Variants in CNTN5 observed in about 807,000 individuals in gnomAD.
CNTN5 encodes the protein contactin-5.
A neutral mutation model predicts 129.1 loss-of-function variants in CNTN5; 77 were observed. The ratio of observed to expected loss-of-function variants is 0.60; its 90% confidence interval spans 0.50 to 0.72. The LOEUF is 0.72. CNTN5 is among the 30% of genes least tolerant of loss of function. The probability of loss-of-function intolerance (pLI) is 0.00; values close to 1 mark genes in which losing one functional copy is unlikely to be tolerated. For synonymous variants in CNTN5, 509 were observed against 465.6 expected (o/e 1.09, Z -1.20); for missense variants, 1,478 against 1,328.8 (o/e 1.11, Z -1.75).
Position 99,894,418 on chromosome 11 carries a change from GT to G in CNTN5, c.578-21627del, listed in dbSNP as rs1161416490. ...AACTGGAGAGTTTCAAATTTTATAGGTTTTTTTTTCACAAGCTATTTTTGTT... is the reference window on the plus strand; with the variant it reads ...AACTGGAGAGTTTCAAATTTTATAGGTTTTTTTTCACAAGCTATTTTTGTT... On this transcript the variant is annotated intron_variant, in intron 6 of 24. Coordinates refer to ENST00000524871, the MANE Select transcript of CNTN5 (RefSeq NM_014361.4). Among the ~76,000 whole-genome samples the G allele has an allele frequency of 1.3e-4, 18 of 140,266 alleles. 1 individual carries two copies. The highest frequency in any genetic ancestry group is 1.2e-3 in the Admixed American group (16 of 13,604). 92.0% of individuals were successfully genotyped at this position (140,266 alleles called of 152,430 possible). A position where few individuals can be genotyped will look rare whatever the true frequency, so the allele number is the denominator to read the frequency against.
chr11:100,350,844 C>G lies in CNTN5; in HGVS notation c.3173C>G (p.Ser1058Cys). 1 of 1,591,606 alleles carries G rather than the reference C, an allele frequency of 6.3e-7. No individual in the cohort carries two copies. Among genetic ancestry groups the G allele is most frequent in the South Asian group, 1.1e-5 (1 of 87,048 alleles). ...GAAGGAGGAGATGGAACAGCTAGTT[C>G]TCAAATTAGGGTACCATCATATTCA... is the stretch of plus-strand genomic sequence containing the variant. ...YSEGGDGTASSQIRVPSYSGG... is the reference protein window; with the variant it reads ...YSEGGDGTASCQIRVPSYSGG... The change falls in exon 24 of 25, where the codon TCT becomes TGT. Residue 1058 changes from serine (S) to cysteine (C), a missense_variant. Coordinates refer to ENST00000524871, the MANE Select transcript of CNTN5 (RefSeq NM_014361.4).
At chr11:99,221,207 A>G (rs1217847913) in intron 1 of CNTN5, among the ~76,000 whole-genome samples, 1 of 151,922 alleles carries the variant, frequency 6.6e-6, no homozygotes, top group Admixed American at 6.6e-5. Flanking sequence ...TCATTTATGA[A>G]TCACTCTATA....
intron 15 of CNTN5, 26 bp downstream of exon 15, chr11:100,193,689 T>C (rs765961802): frequency 1.8e-5 from 28 of 1,589,980 alleles, no homozygotes; most frequent in Non-Finnish European, 2.3e-5. Context: ...TTTATTCTTT[T>C]AGTAATGATA....
intron 18 of CNTN5, among the ~76,000 whole-genome samples, chr11:100,291,796 A>C (rs1232205588): frequency 6.0e-5 from 9 of 149,130 alleles, no homozygotes; most frequent in South Asian, 2.1e-4. Flanking sequence ...TAAAAAATAT[A>C]AATAAATAAA....
chr11:100,337,606 A>C, intron 21 of CNTN5: 2 of 722,582 alleles, frequency 2.8e-6, no homozygotes, highest in Middle Eastern at 2.9e-4. Flanking sequence ...GATCATTTTA[A>C]ATCCACAGAT....
chr11:100,102,589 C>T (rs1945265653), intron 13 of CNTN5, among the ~76,000 whole-genome samples: 1 of 72,738 alleles, frequency 1.4e-5, no homozygotes, highest in African/African-American at 1.3e-4. Flanking sequence ...TAAACTGGTG[C>T]CAAATGTAAA....
chr11:99,740,101 T>G (rs1462911140), intron 3 of CNTN5, among the ~76,000 whole-genome samples: 1 of 152,174 alleles, frequency 6.6e-6, no homozygotes, highest in Non-Finnish European at 1.5e-5. Flanking sequence ...TTAAATAATC[T>G]TGAGGAAGAA....
At chr11:99,954,322 C>G (rs1047011989) in intron 7 of CNTN5, among the ~76,000 whole-genome samples, 1 of 151,058 alleles carries the variant, frequency 6.6e-6, no homozygotes, top group Non-Finnish European at 1.5e-5. Context: ...CCAAGAACTT[C>G]TAAAACATTT....
intron 1 of CNTN5, among the ~76,000 whole-genome samples, chr11:99,155,094 T>C (rs577054366): frequency 4.6e-5 from 7 of 152,214 alleles, no homozygotes; most frequent in African/African-American, 1.7e-4. Flanking sequence ...TGTGAGAGCA[T>C]GCCACTCCTC....
chr11:99,510,349 TG>T (rs1946789043), intron 2 of CNTN5, among the ~76,000 whole-genome samples: 3 of 152,168 alleles, frequency 2.0e-5, no homozygotes, highest in Admixed American at 6.5e-5. Flanking sequence ...GAGTATAAAC[TG>T]GCATAACCTT....
intron 1 of CNTN5, among the ~76,000 whole-genome samples, chr11:99,038,391 C>T (rs553537357): frequency 6.6e-6 from 1 of 152,174 alleles, no homozygotes; most frequent in South Asian, 2.1e-4. Context: ...GCGTAATTAG[C>T]ATATCTATCA....
intron 9 of CNTN5, among the ~76,000 whole-genome samples, chr11:100,025,716 C>T (rs927348227): frequency 1.3e-5 from 2 of 152,192 alleles, no homozygotes; most frequent in African/African-American, 2.4e-5. Flanking sequence ...CATTTCAGAG[C>T]TTTAAGATTT....
chr11:99,112,133 T>G (rs948160776), intron 1 of CNTN5, among the ~76,000 whole-genome samples: 6 of 152,050 alleles, frequency 3.9e-5, no homozygotes, highest in Non-Finnish European at 4.4e-5. Flanking sequence ...CAACAAATGT[T>G]GAACAAAGTA....
intron 2 of CNTN5, among the ~76,000 whole-genome samples, chr11:99,500,790 G>T (rs1426157416): frequency 6.6e-6 from 1 of 151,682 alleles, no homozygotes; most frequent in Non-Finnish European, 1.5e-5. Context: ...TACTTATCTA[G>T]ACTTTTTTGT....
At chr11:100,322,357 G>A (rs1951712631) in intron 21 of CNTN5, among the ~76,000 whole-genome samples, 1 of 151,912 alleles carries the variant, frequency 6.6e-6, no homozygotes, top group African/African-American at 2.4e-5. Context: ...CGAATAGCTG[G>A]GACTACAGGC....
At chr11:99,968,705 C>T (rs1160901998) in intron 8 of CNTN5, among the ~76,000 whole-genome samples, 1 of 110,118 alleles carries the variant, frequency 9.1e-6, no homozygotes, top group Non-Finnish European at 1.7e-5. Context: ...CTTCTAAGTG[C>T]TGCTCCTCGG....
chr11:100,068,476 G>A (rs1943779257), intron 10 of CNTN5, among the ~76,000 whole-genome samples: 1 of 152,162 alleles, frequency 6.6e-6, no homozygotes. Flanking sequence ...AATACAGTGT[G>A]TGCTTGGGAG....
intron 2 of CNTN5, among the ~76,000 whole-genome samples, chr11:99,491,525 C>A (rs995632124): frequency 6.6e-5 from 10 of 152,078 alleles, no homozygotes; most frequent in African/African-American, 2.4e-4. Context: ...AAGGTGGATA[C>A]TGACAGTTAA....
chr11:99,879,747 C>T (rs558154756), intron 6 of CNTN5, among the ~76,000 whole-genome samples: 8 of 152,248 alleles, frequency 5.3e-5, no homozygotes, highest in East Asian at 3.9e-4. Flanking sequence ...AACTTTTACA[C>T]AAGCTGCTTG....
Sources: gnomAD v4.1 joint callset for allele counts (sites outside exome capture counted in the v4.1 genomes callset) on GRCh38, gnomAD v4.1.1 for gene constraint, MANE v1.5 for transcripts, NCBI Gene and HGNC (gene_info 2026-07-23, HGNC 2026-07-21) for gene names.